Variants in UNC79 observed in about 807,000 individuals in gnomAD.
UNC79 encodes the protein protein unc-79 homolog.
Under a neutral mutation model 283.1 loss-of-function variants are expected in UNC79, and 37 were observed. The observed-to-expected ratio is 0.13, with a 90% CI of 0.10 to 0.17. The LOEUF is 0.17. UNC79 is among the 10% of genes least tolerant of loss of function. UNC79 has a pLI of 1.00. For synonymous variants in UNC79, 1,107 were observed against 1,200.2 expected, an observed-to-expected ratio of 0.92 and a Z score of 1.61; for missense variants, 2,272 against 3,211.1, an observed-to-expected ratio of 0.71 and a Z score of 7.07.
At chr14:93,687,842 T>C in intron 43 of UNC79, among the ~76,000 whole-genome samples, 1 of 152,108 alleles carries the variant, frequency 6.6e-6, no homozygotes. Flanking sequence ...TTGCAGATGC[T>C]TTCGAAAAAT....
At chr14:93,535,747 A>T (rs2061039543) in intron 11 of UNC79, among the ~76,000 whole-genome samples, 3 of 152,164 alleles carry the variant, frequency 2.0e-5, no homozygotes, top group Non-Finnish European at 2.9e-5. Context: ...CCTGGCAGAG[A>T]TCTGGGAGGA....
intron 40 of UNC79, among the ~76,000 whole-genome samples, chr14:93,666,264 CA>C (rs1296638269): frequency 6.6e-6 from 1 of 151,800 alleles, no homozygotes; most frequent in Non-Finnish European, 1.5e-5. Context: ...TCAATCAAGA[CA>C]AAAAGAGAAG....
chr14:93,690,765 A>T lies in UNC79; in HGVS notation c.7272+462A>T. 1.2e-5 allele frequency: 2 copies of T among 161,684 alleles called. No individual in the cohort carries two copies. Among genetic ancestry groups the T allele is most frequent in the South Asian group, 1.8e-4 (1 of 5,710 alleles). The allele number at this position is 161,684 out of a possible 1,614,324, so 10.0% of individuals were successfully genotyped here. ...AGAAGGCCAGTTGGGAACTCACTAA[A>T]GCACACATTGGCATGACCTACACAG... On this transcript the variant is annotated intron_variant, in intron 45 of 48. Transcript: ENST00000555664. This position sits in a 1 kb window ranked among gnomAD's most constrained non-coding sequence, Gnocchi z 4.3.
intron 20 of UNC79, among the ~76,000 whole-genome samples, chr14:93,585,625 T>G (rs567267102): frequency 6.6e-6 from 1 of 152,282 alleles, no homozygotes; most frequent in East Asian, 1.9e-4. Flanking sequence ...CGTGTAATGG[T>G]GATTTTAACA....
At chr14:93,682,252 A>G (rs953640302) in intron 41 of UNC79, among the ~76,000 whole-genome samples, 2 of 152,228 alleles carry the variant, frequency 1.3e-5, no homozygotes, top group Non-Finnish European at 2.9e-5. Context: ...ATGATACGAT[A>G]ATAGAAATCA....
chr14:93,628,927 G>A (rs953893948), intron 30 of UNC79, among the ~76,000 whole-genome samples: 25 of 152,142 alleles, frequency 1.6e-4, no homozygotes, highest in African/African-American at 4.8e-4. Context: ...GGCCAGGCAC[G>A]GTGGCTTATG....
chr14:93,671,976 A>G (rs2072911150), intron 40 of UNC79, among the ~76,000 whole-genome samples: 1 of 152,222 alleles, frequency 6.6e-6, no homozygotes, highest in Non-Finnish European at 1.5e-5. Context: ...AATCAAAACC[A>G]CAATGAGATA....
chr14:93,622,715 G>A, exon 30 of UNC79: 3 of 1,614,160 alleles, frequency 1.9e-6, no homozygotes, highest in Non-Finnish European at 2.5e-6. Context: ...TGAGGAATCC[G>A]AATTTAAGAT....
At chr14:93,383,372 TAC>T (rs906663165) in intron 1 of UNC79, among the ~76,000 whole-genome samples, 11 of 152,146 alleles carry the variant, frequency 7.2e-5, no homozygotes, top group East Asian at 3.9e-4. Context: ...TCTACAGGCA[TAC>T]CCTGAAGGTA....
intron 1 of UNC79, among the ~76,000 whole-genome samples, chr14:93,344,092 T>G (rs1364101767): frequency 6.6e-6 from 1 of 152,166 alleles, no homozygotes. Flanking sequence ...CTGTCGAAAG[T>G]GTTTTAAGGC....
chr14:93,428,629 C>G (rs921776756), upstream of UNC79, among the ~76,000 whole-genome samples: 8 of 152,138 alleles, frequency 5.3e-5, no homozygotes, highest in Non-Finnish European at 1.2e-4. Context: ...TGCTATCAGG[C>G]TTTGGAGGCT....
rs183179064 is a variant in UNC79, at chr14:93,434,983, C to G, written c.22+3932C>G. On this transcript the variant is annotated intron_variant, in intron 1 of 48. Transcript: ENST00000555664. ...ATTTTAAGAGTGTAGCTGATTAGCA[C>G]TATGACTTGAAGTTGAACTTGCCCC... 2.7e-3 allele frequency among the ~76,000 whole-genome samples: 404 copies of G among 152,268 alleles called. 4 individuals carry two copies. The highest frequency in any genetic ancestry group is 9.3e-3 in the African/African-American group (385 of 41,556).
At chr14:93,493,238 G>A (rs1277175821) in intron 5 of UNC79, among the ~76,000 whole-genome samples, 1 of 152,120 alleles carries the variant, frequency 6.6e-6, no homozygotes, top group Non-Finnish European at 1.5e-5. Flanking sequence ...GGGGAGTCTG[G>A]CAAACAGCTG....
At chr14:93,495,349 T>G (rs1248252469) in intron 5 of UNC79, among the ~76,000 whole-genome samples, 1 of 152,146 alleles carries the variant, frequency 6.6e-6, no homozygotes, top group Non-Finnish European at 1.5e-5. Context: ...AAAACTGCCT[T>G]TATGAAACCA....
intron 44 of UNC79, chr14:93,689,161 A>G (rs376958776): frequency 3.1e-6 from 1 of 323,024 alleles, no homozygotes; most frequent in African/African-American, 2.1e-5. Flanking sequence ...ATGTATCAAT[A>G]TATTTGCCTT....
intron 1 of UNC79, among the ~76,000 whole-genome samples, chr14:93,433,629 A>T (rs2055966484): frequency 1.3e-5 from 2 of 152,098 alleles, no homozygotes; most frequent in African/African-American, 4.8e-5. Flanking sequence ...TGCATTCAGG[A>T]TGCACATTAC....
chr14:93,474,393 G>T lies in UNC79; in HGVS notation c.448G>T (p.Asp150Tyr). 6.5e-7 allele frequency: 1 copy of T among 1,533,738 alleles called. No individual in the cohort carries two copies. Among genetic ancestry groups the T allele is most frequent in the South Asian group, 1.2e-5 (1 of 83,874 alleles). Reference sequence around the variant, plus strand: ...TCCTTTACTACAGCACGGCCAACACGGTGAGCACTTAGCTGAAACCTTTGG... The same window carrying T: ...TCCTTTACTACAGCACGGCCAACACTGTGAGCACTTAGCTGAAACCTTTGG... Residue 150 changes from aspartate to tyrosine, a missense_variant and splice_region_variant, in exon 3 of 49, where the codon GAT becomes TAT. Physicochemically the swap from Asp to Tyr is radical, Grantham distance 160. Around this residue, in one of 11 missense-constraint regions of UNC79, gnomAD observed 194 missense variants for 268.9 expected, o/e 0.72. Transcript: ENST00000555664. This position sits in a 1 kb window ranked among gnomAD's most constrained non-coding sequence, Gnocchi z 4.1.
rs546640493 is a variant in UNC79, at chr14:93,669,718, G to A, written c.6637-3633G>A. On this transcript the variant is annotated intron_variant, in intron 40 of 48. Transcript: ENST00000555664. Reference sequence around the variant, plus strand: ...AAAAAAATTAGCTGGGCATGGTAGCGCATGCCTGTAGTTCCAGCTACTCTG... The same window carrying A: ...AAAAAAATTAGCTGGGCATGGTAGCACATGCCTGTAGTTCCAGCTACTCTG... Among the ~76,000 whole-genome samples, 29 of 152,164 alleles carry A rather than the reference G, an allele frequency of 1.9e-4. 1 individual carries two copies. The highest frequency in any genetic ancestry group is 1.6e-3 in the Admixed American group (25 of 15,286).
intron 40 of UNC79, among the ~76,000 whole-genome samples, chr14:93,670,177 G>A (rs1397048526): frequency 2.6e-5 from 4 of 152,180 alleles, no homozygotes. Flanking sequence ...AAAGACTTCT[G>A]TGATCAAATG....
Sources: allele counts gnomAD v4.1 joint callset (sites outside exome capture counted in the v4.1 genomes callset), GRCh38; gene constraint gnomAD v4.1.1; regional missense constraint gnomAD v4.1.1; non-coding constraint Gnocchi (gnomAD v3.1); transcripts MANE v1.5; gene names NCBI Gene and HGNC (gene_info 2026-07-23, HGNC 2026-07-21).